The following TSC22D1 variants were observed in gnomAD, a reference collection of about 807,000 sequenced individuals.
TSC22D1 encodes TSC22 domain family protein 1.
A neutral mutation model predicts 74.2 loss-of-function variants in TSC22D1; 9 were observed. That is an observed-to-expected ratio of 0.12 (90% CI 0.07 to 0.21). The LOEUF (loss-of-function observed/expected upper bound fraction) is 0.21, where lower values mean the gene tolerates loss of function less well. Ranked by LOEUF, TSC22D1 falls within the 10% of genes least tolerant of loss-of-function variation. TSC22D1 has a pLI of 1.00. For missense variants in TSC22D1, 1,427 were observed against 1,304.7 expected (o/e 1.09, Z -1.44); for synonymous variants, 586 against 492.5 (o/e 1.19, Z -2.51).
At chr13:44,546,795 T>A (rs1881858338) in intron 1 of TSC22D1, among the ~76,000 whole-genome samples, 1 of 151,108 alleles carries the variant, frequency 6.6e-6, no homozygotes, top group Non-Finnish European at 1.5e-5. Flanking sequence ...TGTATGTACT[T>A]AGGGTGTGGC....
Position 44,575,745 on chromosome 13 carries a change from G to A in TSC22D1, c.330C>T (p.Gly110=), listed in dbSNP as rs144077514. 7 of 1,614,224 alleles carry A rather than the reference G, an allele frequency of 4.3e-6. No individual in the cohort carries two copies. In the Admixed American group the frequency reaches 8.3e-5, roughly 19 times the overall value. The change falls in exon 1 of 3, where the codon GGC becomes GGT. Residue 110 remains glycine, a synonymous_variant. Transcript: ENST00000458659. ...PGGTQMKKKS[G]FQITSVTPAQ... Reference sequence around the variant, plus strand: ...CAGGAGTAACGCTAGTTATCTGGAAGCCACTTTTCTTTTTCATTTGAGTTC... The same window carrying A: ...CAGGAGTAACGCTAGTTATCTGGAAACCACTTTTCTTTTTCATTTGAGTTC...
chr13:44,468,754 ATAT>A (rs1261115996), intron 1 of TSC22D1, among the ~76,000 whole-genome samples: 1 of 150,024 alleles, frequency 6.7e-6, no homozygotes, highest in African/African-American at 2.4e-5. Context: ...ATATCAAGAA[ATAT>A]TATCATCTTT....
intron 1 of TSC22D1, among the ~76,000 whole-genome samples, chr13:44,558,576 C>T (rs1224473644): frequency 6.6e-6 from 1 of 151,848 alleles, no homozygotes; most frequent in African/African-American, 2.4e-5. Flanking sequence ...CCCATCTCTA[C>T]TAAAAATACA....
chr13:44,445,285 C>A, intron 1 of TSC22D1, among the ~76,000 whole-genome samples: 1 of 146,144 alleles, frequency 6.8e-6, no homozygotes, highest in Non-Finnish European at 1.5e-5. Flanking sequence ...ATATGTAAAG[C>A]AATTCAGAAA....
intron 1 of TSC22D1, chr13:44,536,787 G>A (rs2138079467): frequency 1.0e-6 from 1 of 984,654 alleles, no homozygotes; most frequent in Non-Finnish European, 1.2e-6. Context: ...ATCTAAAAAA[G>A]TCCAATTCTG....
intron 1 of TSC22D1, among the ~76,000 whole-genome samples, chr13:44,444,334 A>C (rs933955921): frequency 6.0e-5 from 9 of 149,864 alleles, no homozygotes; most frequent in South Asian, 4.2e-4. Context: ...AGAAAAAAAA[A>C]CAATAATGAC....
At chr13:44,467,673 G>A (rs960102471) in intron 1 of TSC22D1, among the ~76,000 whole-genome samples, 9 of 152,266 alleles carry the variant, frequency 5.9e-5, no homozygotes, top group African/African-American at 2.2e-4. Flanking sequence ...TCAGGGAAAT[G>A]CAAATCAAAA....
intron 1 of TSC22D1, chr13:44,436,668 G>A: frequency 1.3e-6 from 2 of 1,598,112 alleles, no homozygotes; most frequent in Non-Finnish European, 1.7e-6. Context: ...AAAAAAGAGG[G>A]AACACCAGCA....
intron 1 of TSC22D1, among the ~76,000 whole-genome samples, chr13:44,489,972 T>G (rs1018243664): frequency 6.6e-6 from 1 of 152,092 alleles, no homozygotes; most frequent in African/African-American, 2.4e-5. Context: ...ACTTTGGAAA[T>G]GTGGCAGTAT....
intron 1 of TSC22D1, chr13:44,536,755 A>T (rs1004894410): frequency 3.0e-6 from 3 of 984,952 alleles, no homozygotes; most frequent in Non-Finnish European, 2.4e-6. Flanking sequence ...AATGGTTTGC[A>T]AAATTGAGGT....
At chr13:44,455,386 A>T (rs1036450554) in intron 1 of TSC22D1, among the ~76,000 whole-genome samples, 1 of 152,204 alleles carries the variant, frequency 6.6e-6, no homozygotes, top group East Asian at 1.9e-4. Context: ...GATCTCTCTC[A>T]CTTTTGCTAT....
At chr13:44,539,839 A>AC (rs1293502630) in intron 1 of TSC22D1, 10 of 1,289,258 alleles carry the variant, frequency 7.8e-6, no homozygotes, top group Non-Finnish European at 8.1e-6. Flanking sequence ...GAGAAAGTGG[A>AC]CCCCTGACGT....
intron 1 of TSC22D1, among the ~76,000 whole-genome samples, chr13:44,522,390 C>A (rs1321656990): frequency 6.6e-6 from 1 of 152,108 alleles, no homozygotes; most frequent in Non-Finnish European, 1.5e-5. Flanking sequence ...TTTATTTATG[C>A]CTTTAAAATC....
chr13:44,459,059 G>A (rs151170501), intron 1 of TSC22D1, among the ~76,000 whole-genome samples: 17 of 152,274 alleles, frequency 1.1e-4, no homozygotes, highest in South Asian at 6.2e-4. Flanking sequence ...TGCCAGTTCC[G>A]GGTGGAGTCC....
chr13:44,490,766 G>A (rs922108721), intron 1 of TSC22D1, among the ~76,000 whole-genome samples: 3 of 151,622 alleles, frequency 2.0e-5, no homozygotes, highest in Non-Finnish European at 2.9e-5. Context: ...GCATGGTGGT[G>A]CATGCCTGTA....
At chr13:44,505,710 A>T (rs753561338) in intron 1 of TSC22D1, among the ~76,000 whole-genome samples, 1 of 152,168 alleles carries the variant, frequency 6.6e-6, no homozygotes, top group African/African-American at 2.4e-5. Flanking sequence ...ATTGTTATTG[A>T]ACTACTAGAC....
At chr13:44,503,935 A>C (rs2137989591) in intron 1 of TSC22D1, among the ~76,000 whole-genome samples, 1 of 152,200 alleles carries the variant, frequency 6.6e-6, no homozygotes, top group African/African-American at 2.4e-5. Flanking sequence ...TACAGTAAAT[A>C]AACCTTAGAG....
chr13:44,474,162 G>A, intron 1 of TSC22D1: 2 of 886,432 alleles, frequency 2.3e-6, no homozygotes. Flanking sequence ...GCAGGACTTA[G>A]GACAACTGAG....
intron 1 of TSC22D1, among the ~76,000 whole-genome samples, chr13:44,450,559 T>C (rs1193831746): frequency 6.6e-6 from 1 of 151,740 alleles, no homozygotes; most frequent in East Asian, 1.9e-4. Flanking sequence ...GAGAGAAAAG[T>C]GGGATGGATT....
Sources: gnomAD v4.1 joint callset for allele counts (sites outside exome capture counted in the v4.1 genomes callset) on GRCh38, gnomAD v4.1.1 for gene constraint, MANE v1.5 for transcripts, NCBI Gene and HGNC (gene_info 2026-07-23, HGNC 2026-07-21) for gene names.